EPSTI1: variants seen among roughly 807,000 people sequenced by gnomAD.
The protein encoded by EPSTI1 is epithelial-stromal interaction protein 1.
A neutral mutation model predicts 49.9 loss-of-function variants in EPSTI1; 66 were observed. That is an observed-to-expected ratio of 1.32 (90% CI 1.08 to 1.62). The LOEUF (loss-of-function observed/expected upper bound fraction) is 1.62. EPSTI1 is among the 40% of genes most tolerant of loss of function. EPSTI1 has a pLI of 0.00. For synonymous variants in EPSTI1, 137 were observed against 130.7 expected (o/e 1.05, Z -0.33); for missense variants, 394 against 365.5 (o/e 1.08, Z -0.64).
intron 6 of EPSTI1, among the ~76,000 whole-genome samples, chr13:42,931,532 C>A (rs975844899): frequency 2.0e-5 from 3 of 152,188 alleles, no homozygotes; most frequent in African/African-American, 4.8e-5. Flanking sequence ...TGCCAGGGGG[C>A]GAAAGCTAAC....
At chr13:42,906,938 C>A (rs1054329994) in intron 8 of EPSTI1, among the ~76,000 whole-genome samples, 2 of 152,074 alleles carry the variant, frequency 1.3e-5, no homozygotes, top group Non-Finnish European at 2.9e-5. Context: ...CAAATCAGGG[C>A]ACTTAGTGTG....
Position 42,969,183 on chromosome 13 carries a change from C to A in EPSTI1, c.248-6G>T. ...GGCCAGCTCCTGCTCCGCAACTAAG[C>A]CAGGCGAGAAATATCAAATCGTCAA... On this transcript the variant is annotated splice_region_variant and splice_polypyrimidine_tract_variant and intron_variant, in intron 2 of 10. Transcript: ENST00000313624. 1 of 1,613,516 alleles carries A rather than the reference C, an allele frequency of 6.2e-7. No individual in the cohort carries two copies.
Position 42,904,699 on chromosome 13 carries a change from T to G in EPSTI1, c.742-4316A>C, listed in dbSNP as rs2037449052. Among the ~76,000 whole-genome samples the G allele has an allele frequency of 2.6e-5, 4 of 152,152 alleles. No individual in the cohort carries two copies. The South Asian group carries it at 8.3e-4, about 32-fold the overall frequency. On this transcript the variant is annotated intron_variant, in intron 8 of 10. Transcript: ENST00000313624. ...AATGGAACAGTTACAAAGACTAAGA[T>G]GGATGTTTTGTAAGGTAGAGCAGGG...
intron 1 of EPSTI1, among the ~76,000 whole-genome samples, chr13:42,980,369 T>C (rs771660634): frequency 4.2e-4 from 64 of 152,300 alleles, no homozygotes; most frequent in Non-Finnish European, 5.0e-4. Flanking sequence ...AAGACATACT[T>C]GAGACTGGGT....
chr13:42,932,532 T>C (rs1007749017), intron 6 of EPSTI1, among the ~76,000 whole-genome samples: 5 of 151,932 alleles, frequency 3.3e-5, no homozygotes, highest in Non-Finnish European at 5.9e-5. Context: ...AGTCTCTCGA[T>C]CTTTATCCAA....
Position 42,900,313 on chromosome 13 carries a change from C to T in EPSTI1, c.812G>A (p.Arg271Lys). The T allele has an allele frequency of 3.7e-6, 6 of 1,613,540 alleles. No homozygotes were observed. The highest frequency in any genetic ancestry group is 5.1e-6 in the Non-Finnish European group (6 of 1,179,630). ...TTATTTTATTAGCCAGTTTTACCTC[C>T]TGTGTTCAGTCTGGTGGATTTTGGC... ...ERAKIHQTEH[R>K]RVNNAFLDRL... The change falls in exon 9 of 11, where the codon AGG becomes AAG. Residue 271 changes from arginine to lysine, a missense_variant. Transcript: ENST00000313624.
intron 10 of EPSTI1, among the ~76,000 whole-genome samples, chr13:42,894,789 T>C (rs2037141793): frequency 6.6e-6 from 1 of 152,160 alleles, no homozygotes; most frequent in South Asian, 2.1e-4. Flanking sequence ...TGTCATTTTT[T>C]ACTGTGATTG....
At position 42,899,055 on chromosome 13, in the gene EPSTI1, G is replaced by A. The variant is rs535946864; in HGVS notation, c.815+1255C>T. Among the ~76,000 whole-genome samples, 46 of 151,870 alleles carry A rather than the reference G, an allele frequency of 3.0e-4. 1 individual carries two copies. In the South Asian group the frequency reaches 9.2e-3, roughly 30 times the overall value. On this transcript the variant is annotated intron_variant, in intron 9 of 10. Transcript: ENST00000313624. ...TCCACTAAAAATACAAAAATTAGCTGGGCATGGTGGCACGTGCCTGTAATC... is the reference window on the plus strand; with the variant it reads ...TCCACTAAAAATACAAAAATTAGCTAGGCATGGTGGCACGTGCCTGTAATC...
At chr13:42,944,695 G>A (rs752215841) in intron 6 of EPSTI1, among the ~76,000 whole-genome samples, 3 of 151,000 alleles carry the variant, frequency 2.0e-5, no homozygotes, top group Non-Finnish European at 4.4e-5. Context: ...AAACTGGCCT[G>A]GCACTCACAG....
intron 2 of EPSTI1, chr13:42,969,936 C>T (rs2039725824): frequency 6.6e-6 from 1 of 152,216 alleles, no homozygotes; most frequent in Non-Finnish European, 1.5e-5. Flanking sequence ...TTGTAAGATA[C>T]CAGAACTGCT....
rs765145260 is a variant in EPSTI1, at chr13:42,917,638, A to AAG, written c.658-16_658-15dup. 3.0e-5 allele frequency: 30 copies of AAG among 990,140 alleles called. No individual in the cohort carries two copies. The highest frequency in any genetic ancestry group is 3.8e-5 in the Non-Finnish European group (26 of 680,200). The allele number at this position is 990,140 out of a possible 1,614,324, so 61.3% of individuals were successfully genotyped here. On this transcript the variant is annotated splice_polypyrimidine_tract_variant and intron_variant, in intron 7 of 10. Coordinates refer to ENST00000313624, the MANE Select transcript of EPSTI1 (RefSeq NM_033255.5). ...CCAGCTTCTGGCCTGTAAAGGTACAAAGAGAAAAAAAAAAAAAAAAACAAC... is the reference window on the plus strand; with the variant it reads ...CCAGCTTCTGGCCTGTAAAGGTACAAAGAGAGAAAAAAAAAAAAAAAAACAAC...
intron 10 of EPSTI1, among the ~76,000 whole-genome samples, chr13:42,888,880 T>A (rs1159124582): frequency 2.6e-5 from 4 of 152,200 alleles, no homozygotes; most frequent in African/African-American, 9.6e-5. Context: ...CAAGTAGGGT[T>A]ACGCTGTATT....
At chr13:42,932,280 A>G (rs2038403362) in intron 6 of EPSTI1, among the ~76,000 whole-genome samples, 1 of 152,134 alleles carries the variant, frequency 6.6e-6, no homozygotes, top group African/African-American at 2.4e-5. Flanking sequence ...ATCTACACAA[A>G]TTTATATTTT....
At chr13:42,959,097 T>C (rs2039364969) in intron 5 of EPSTI1, among the ~76,000 whole-genome samples, 3 of 152,216 alleles carry the variant, frequency 2.0e-5, no homozygotes, top group Admixed American at 6.5e-5. Flanking sequence ...GTGCTAGGTA[T>C]TGTACTAAGG....
intron 3 of EPSTI1, among the ~76,000 whole-genome samples, chr13:42,966,660 C>A (rs868752506): frequency 0.023 from 1,753 of 75,536 alleles, 460 homozygotes; most frequent in African/African-American, 0.064. Flanking sequence ...GGAGCGTCTC[C>A]GCCCGGCAGC....
chr13:42,918,988 G>T (rs1221453553), intron 7 of EPSTI1, among the ~76,000 whole-genome samples: 1 of 151,846 alleles, frequency 6.6e-6, no homozygotes, highest in Non-Finnish European at 1.5e-5. Flanking sequence ...AGGAAGGAAA[G>T]GAGAGAAGAA....
At chr13:42,974,538 A>G (rs2039840219) in intron 1 of EPSTI1, among the ~76,000 whole-genome samples, 1 of 151,870 alleles carries the variant, frequency 6.6e-6, no homozygotes, top group African/African-American at 2.4e-5. Context: ...GGGCGCCTAT[A>G]GTTCCAGCTA....
intron 1 of EPSTI1, among the ~76,000 whole-genome samples, chr13:42,975,483 C>T (rs1457468010): frequency 6.6e-6 from 1 of 152,166 alleles, no homozygotes; most frequent in Non-Finnish European, 1.5e-5. Context: ...CGGCTGAATA[C>T]AGACACAGTG....
chr13:42,890,231 G>A (rs2036989289), intron 10 of EPSTI1, among the ~76,000 whole-genome samples: 1 of 150,898 alleles, frequency 6.6e-6, no homozygotes, highest in African/African-American at 2.4e-5. Context: ...TATTAACAAG[G>A]TATAACTCTC....
Sources: allele counts gnomAD v4.1 joint callset (sites outside exome capture counted in the v4.1 genomes callset), GRCh38; gene constraint gnomAD v4.1.1; transcripts MANE v1.5; gene names NCBI Gene and HGNC (gene_info 2026-07-23, HGNC 2026-07-21).